RASAL2: variants seen among roughly 807,000 people sequenced by gnomAD.
RASAL2 encodes the protein RAS protein activator like 2, also known as ras GTPase-activating protein nGAP.
RASAL2 carries 58 observed loss-of-function variants against 128.9 expected under a neutral mutation model. The ratio of observed to expected loss-of-function variants is 0.45; its 90% CI spans 0.36 to 0.56. RASAL2 has a LOEUF of 0.56. RASAL2 is among the 20% of genes least tolerant of loss of function. RASAL2 has a pLI of 0.00. For synonymous variants in RASAL2, 561 were observed against 580.8 expected (o/e 0.97, Z 0.49); for missense variants, 1,360 against 1,601.6 (o/e 0.85, Z 2.57).
At chr1:178,273,609 A>T (rs1188980902) in intron 1 of RASAL2, among the ~76,000 whole-genome samples, 1 of 152,176 alleles carries the variant, frequency 6.6e-6, no homozygotes, top group East Asian at 1.9e-4. Flanking sequence ...TATTTGGGGA[A>T]ATTAATTTGG....
At chr1:178,105,686 CT>C (rs71108025) in intron 1 of RASAL2, among the ~76,000 whole-genome samples, 1,628 of 140,566 alleles carry the variant, frequency 0.012, 14 homozygotes, top group African/African-American at 0.024. Context: ...TTTTGGGGTT[CT>C]TTTTTTTTTT....
At chr1:178,368,792 C>T (rs1671547700) in intron 3 of RASAL2, among the ~76,000 whole-genome samples, 1 of 151,994 alleles carries the variant, frequency 6.6e-6, no homozygotes, top group Admixed American at 6.6e-5. Context: ...CACATGTCAC[C>T]ACATCCGGCT....
chr1:178,368,575 T>C (rs1311937808), intron 3 of RASAL2, among the ~76,000 whole-genome samples: 1 of 152,114 alleles, frequency 6.6e-6, no homozygotes, highest in East Asian at 1.9e-4. Flanking sequence ...CATGGTAAAC[T>C]GCCAAAATGT....
At chr1:178,203,751 T>C (rs745974392) in intron 1 of RASAL2, among the ~76,000 whole-genome samples, 7 of 152,202 alleles carry the variant, frequency 4.6e-5, no homozygotes, top group Non-Finnish European at 8.8e-5. Context: ...GCTGGGGTGA[T>C]TGACTGGACT....
intron 11 of RASAL2, among the ~76,000 whole-genome samples, chr1:178,454,241 A>G (rs1677602241): frequency 6.6e-6 from 1 of 151,668 alleles, no homozygotes; most frequent in Non-Finnish European, 1.5e-5. Flanking sequence ...CCCTTTAGAG[A>G]GAATAGAAAG....
At chr1:178,189,830 A>G (rs952048526) in intron 1 of RASAL2, among the ~76,000 whole-genome samples, 3 of 152,190 alleles carry the variant, frequency 2.0e-5, no homozygotes, top group African/African-American at 7.2e-5. Flanking sequence ...GTATATTTAC[A>G]GCAGTCCACG....
At chr1:178,151,873 T>A (rs933501130) in intron 1 of RASAL2, among the ~76,000 whole-genome samples, 1 of 152,198 alleles carries the variant, frequency 6.6e-6, no homozygotes, top group African/African-American at 2.4e-5. Flanking sequence ...GTCTGTATAG[T>A]CCTGTGGAAA....
intron 9 of RASAL2, among the ~76,000 whole-genome samples, chr1:178,450,093 G>A (rs1216915360): frequency 6.6e-6 from 1 of 152,030 alleles, no homozygotes; most frequent in Non-Finnish European, 1.5e-5. Context: ...ACATATCTTG[G>A]GAGAATTGAT....
intron 1 of RASAL2, among the ~76,000 whole-genome samples, chr1:178,253,757 C>A (rs1665173346): frequency 6.6e-6 from 1 of 152,104 alleles, no homozygotes; most frequent in Admixed American, 6.5e-5. Context: ...AAGGTAATGT[C>A]ATCAGTTAAG....
intron 3 of RASAL2, among the ~76,000 whole-genome samples, chr1:178,387,427 G>A (rs976345460): frequency 1.3e-5 from 2 of 151,840 alleles, no homozygotes; most frequent in East Asian, 3.9e-4. Flanking sequence ...ACCATGTGCA[G>A]GTTTGTTACA....
chr1:178,445,460 T>C, intron 8 of RASAL2, 58 bp from the exon 9 acceptor site: 2 of 1,552,772 alleles, frequency 1.3e-6, no homozygotes, highest in Middle Eastern at 1.7e-4. Context: ...CAAAAGTCTC[T>C]TCTAATGTGT....
In RASAL2 at chr1:178,296,633, G is replaced by A. The variant is rs527928385; in HGVS notation, c.331-3359G>A. ...CCACCTTGACCTCCCAAAGTGCTGCGATTACAGGTGGGAGCCCTACTGCAC... is the reference window on the plus strand; with the variant it reads ...CCACCTTGACCTCCCAAAGTGCTGCAATTACAGGTGGGAGCCCTACTGCAC... On this transcript the variant is annotated intron_variant, in intron 2 of 17. Transcript: ENST00000367649. Among the ~76,000 whole-genome samples the A allele has an allele frequency of 5.3e-5, 8 of 150,594 alleles. No individual in the cohort carries two copies. In the South Asian group the frequency reaches 8.4e-4, roughly 16 times the overall value.
In RASAL2 at chr1:178,283,576, C is replaced by A; in HGVS notation, c.215C>A (p.Pro72Gln). 6.2e-7 allele frequency: 1 copy of A among 1,612,030 alleles called. No homozygotes were observed. Among genetic ancestry groups the A allele is most frequent in the Non-Finnish European group, 8.5e-7 (1 of 1,179,266 alleles). ...SWVRVYDVKG[P>Q]PTHRLSCGQS... ...TTTTCTCATGCAGATGTGAAAGGAC[C>A]ACCCACCCACCGTCTGTCTTGTGGT... is the stretch of plus-strand genomic sequence containing the variant. The change falls in exon 2 of 18, where the codon CCA (proline) becomes CAA (glutamine). Residue 72 changes from proline to glutamine, a missense_variant. Pro to Gln is a moderately conservative substitution (Grantham distance 76, BLOSUM62 -1). Transcript: ENST00000367649.
intron 11 of RASAL2, among the ~76,000 whole-genome samples, chr1:178,453,344 C>A (rs755477629): frequency 1.5e-4 from 23 of 150,682 alleles, no homozygotes; most frequent in African/African-American, 5.6e-4. Flanking sequence ...AAGAAATGGA[C>A]GCTAAACTAT....
intron 1 of RASAL2, among the ~76,000 whole-genome samples, chr1:178,098,902 A>C (rs1280292391): frequency 6.6e-6 from 1 of 152,214 alleles, no homozygotes; most frequent in Admixed American, 6.5e-5. Flanking sequence ...ATACTTCATT[A>C]AGTACCTTAT....
At chr1:178,363,591 A>G (rs1671238675) in intron 3 of RASAL2, among the ~76,000 whole-genome samples, 1 of 152,226 alleles carries the variant, frequency 6.6e-6, no homozygotes, top group Non-Finnish European at 1.5e-5. Context: ...TCGAAGCATT[A>G]AACAGCCTCA....
chr1:178,147,094 G>T (rs1458804082), intron 1 of RASAL2, among the ~76,000 whole-genome samples: 4 of 152,150 alleles, frequency 2.6e-5, no homozygotes, highest in Non-Finnish European at 5.9e-5. Context: ...TTTTGTCAGT[G>T]TAGATACTTG....
At chr1:178,353,810 G>C (rs1461898517) in intron 3 of RASAL2, among the ~76,000 whole-genome samples, 1 of 152,114 alleles carries the variant, frequency 6.6e-6, no homozygotes, top group Non-Finnish European at 1.5e-5. Context: ...GCCCCTGAGG[G>C]TAGAGAATTA....
chr1:178,261,161 A>T (rs1481070863), intron 1 of RASAL2, among the ~76,000 whole-genome samples: 1 of 152,192 alleles, frequency 6.6e-6, no homozygotes, highest in Non-Finnish European at 1.5e-5. Context: ...CCAGTTTCCA[A>T]TCTGTATTTT....
Sources: allele counts gnomAD v4.1 joint callset (sites outside exome capture counted in the v4.1 genomes callset), GRCh38; gene constraint gnomAD v4.1.1; transcripts MANE v1.5; gene names NCBI Gene and HGNC (gene_info 2026-07-23, HGNC 2026-07-21).